The following CTNNA3 variants were observed in gnomAD, a reference collection of about 807,000 sequenced individuals.
The protein encoded by CTNNA3 is catenin alpha-3.
CTNNA3 carries 76 observed loss-of-function variants against 95.7 expected under a neutral mutation model. The ratio of observed to expected loss-of-function variants is 0.79; its 90% confidence interval spans 0.66 to 0.96. The LOEUF (loss-of-function observed/expected upper bound fraction) is 0.96. Among genes scored for constraint, CTNNA3 ranks in the 40% least tolerant of loss-of-function variants. The pLI is 0.00. For synonymous variants in CTNNA3, 431 were observed against 374.4 expected, an observed-to-expected ratio of 1.15 and a Z score of -1.74; for missense variants, 1,191 against 1,089.8, an observed-to-expected ratio of 1.09 and a Z score of -1.31.
chr10:66,698,678 A>G (rs548244471), intron 9 of CTNNA3, among the ~76,000 whole-genome samples: 1 of 152,308 alleles, frequency 6.6e-6, no homozygotes, highest in South Asian at 2.1e-4. Context: ...GAAATCCTGA[A>G]CTAATAAATA....
At chr10:67,504,501 A>C (rs1414299695) in intron 5 of CTNNA3, among the ~76,000 whole-genome samples, 1 of 151,866 alleles carries the variant, frequency 6.6e-6, no homozygotes, top group Non-Finnish European at 1.5e-5. Context: ...GAAAGAAAAA[A>C]AAATAGAGTA....
chr10:66,116,170 A>T (rs2082334070), intron 13 of CTNNA3, among the ~76,000 whole-genome samples: 1 of 152,230 alleles, frequency 6.6e-6, no homozygotes, highest in Admixed American at 6.5e-5. Context: ...ATTGTATAAG[A>T]TGTAGTCAGA....
rs188451947 is a variant in CTNNA3 at position 66,445,580 on chromosome 10, A to T, written c.1532-66228T>A. ...ACTTGCTCCTGAATGACTACTGGGTACATAACAAAATGAAGGCAGAAATAA... is the reference window on the plus strand; with the variant it reads ...ACTTGCTCCTGAATGACTACTGGGTTCATAACAAAATGAAGGCAGAAATAA... On this transcript the variant is annotated intron_variant, in intron 11 of 17. Transcript: ENST00000433211. Among the ~76,000 whole-genome samples the T allele has an allele frequency of 6.9e-3, 1,050 of 152,296 alleles. 11 individuals are homozygous for T. The highest frequency in any genetic ancestry group is 0.024 in the African/African-American group (1,000 of 41,580).
chr10:66,477,604 C>T (rs1273741239), intron 11 of CTNNA3, among the ~76,000 whole-genome samples: 1 of 152,040 alleles, frequency 6.6e-6, no homozygotes, highest in Non-Finnish European at 1.5e-5. Context: ...CATTCTACAA[C>T]CCCATCAACT....
intron 9 of CTNNA3, among the ~76,000 whole-genome samples, chr10:66,722,028 C>T (rs1393047804): frequency 2.0e-5 from 3 of 152,136 alleles, no homozygotes; most frequent in African/African-American, 4.8e-5. Flanking sequence ...TATTATAGCA[C>T]TTAGAGGGTA....
chr10:67,597,840 G>GC (rs1179192039), intron 3 of CTNNA3, among the ~76,000 whole-genome samples: 13 of 152,188 alleles, frequency 8.5e-5, no homozygotes, highest in Non-Finnish European at 1.6e-4. Flanking sequence ...GCAGGTGAAT[G>GC]CACACCAGCA....
At chr10:66,819,045 GC>G (rs1483424092) in intron 7 of CTNNA3, among the ~76,000 whole-genome samples, 8 of 145,718 alleles carry the variant, frequency 5.5e-5, no homozygotes, top group African/African-American at 2.1e-4. Flanking sequence ...AGCTGAGATC[GC>G]ACCATCGCAC....
intron 16 of CTNNA3, among the ~76,000 whole-genome samples, chr10:65,975,682 C>T (rs1453038527): frequency 2.6e-5 from 4 of 152,102 alleles, no homozygotes; most frequent in African/African-American, 7.2e-5. Context: ...CCTTTACATG[C>T]ATAACTTTAG....
chr10:66,413,518 A>G (rs1235937951), intron 11 of CTNNA3, among the ~76,000 whole-genome samples: 1 of 152,228 alleles, frequency 6.6e-6, no homozygotes, highest in Non-Finnish European at 1.5e-5. Flanking sequence ...GGTGGGAATT[A>G]GCTCTCTTAA....
chr10:66,542,105 A>G (rs1252643991), intron 10 of CTNNA3, among the ~76,000 whole-genome samples: 1 of 152,194 alleles, frequency 6.6e-6, no homozygotes, highest in Non-Finnish European at 1.5e-5. Context: ...TCTCAAAAGA[A>G]GACATTTATG....
intron 3 of CTNNA3, among the ~76,000 whole-genome samples, chr10:67,560,615 A>G (rs1426620151): frequency 2.0e-5 from 3 of 152,218 alleles, no homozygotes; most frequent in African/African-American, 4.8e-5. Context: ...TCATAATGAC[A>G]GGATCAAATT....
intron 5 of CTNNA3, among the ~76,000 whole-genome samples, chr10:67,485,485 C>T (rs1247084987): frequency 6.6e-6 from 1 of 151,902 alleles, no homozygotes; most frequent in East Asian, 1.9e-4. Flanking sequence ...GCACATGTAC[C>T]CCTTGATTCT....
chr10:66,479,956 A>ACACACG (rs1347865812), intron 11 of CTNNA3, among the ~76,000 whole-genome samples: 2 of 151,318 alleles, frequency 1.3e-5, no homozygotes, highest in Non-Finnish European at 2.9e-5. Context: ...GCATTCACAC[A>ACACACG]CACACACACA....
chr10:66,687,428 G>A (rs1847338358), intron 9 of CTNNA3, among the ~76,000 whole-genome samples: 1 of 152,020 alleles, frequency 6.6e-6, no homozygotes, highest in Non-Finnish European at 1.5e-5. Flanking sequence ...AGAAATACCT[G>A]TAAATAATAT....
chr10:66,383,959 A>C (rs1390657129), intron 11 of CTNNA3, among the ~76,000 whole-genome samples: 1 of 152,204 alleles, frequency 6.6e-6, no homozygotes, highest in Non-Finnish European at 1.5e-5. Flanking sequence ...TGAAACATGG[A>C]AAGAAACAAC....
At chr10:67,417,914 T>C (rs1845601241) in intron 5 of CTNNA3, among the ~76,000 whole-genome samples, 1 of 152,162 alleles carries the variant, frequency 6.6e-6, no homozygotes, top group African/African-American at 2.4e-5. Flanking sequence ...ACAATGTTCA[T>C]AGCAACATTT....
intron 17 of CTNNA3, among the ~76,000 whole-genome samples, chr10:65,948,300 G>C (rs1310564748): frequency 7.7e-6 from 1 of 129,236 alleles, no homozygotes; most frequent in Non-Finnish European, 1.6e-5. Flanking sequence ...AAAAAAAAAA[G>C]AAAGAAAGAA....
chr10:66,116,545 TA>T (rs2082347761), intron 13 of CTNNA3, among the ~76,000 whole-genome samples: 1 of 152,102 alleles, frequency 6.6e-6, no homozygotes, highest in Middle Eastern at 3.2e-3. Flanking sequence ...GATTCAGTAA[TA>T]AAAAGGAATA....
intron 12 of CTNNA3, among the ~76,000 whole-genome samples, chr10:66,325,386 A>T (rs115404718): frequency 1.1e-4 from 17 of 152,202 alleles, no homozygotes; most frequent in Middle Eastern, 3.4e-3. Context: ...AGTTGTTCAT[A>T]TCTTGCCTGC....
Sources: gnomAD v4.1 joint callset for allele counts (sites outside exome capture counted in the v4.1 genomes callset) on GRCh38, gnomAD v4.1.1 for gene constraint, MANE v1.5 for transcripts, NCBI Gene and HGNC (gene_info 2026-07-23, HGNC 2026-07-21) for gene names.